The following SLC2A9 variants were observed in gnomAD, a reference collection of about 807,000 sequenced individuals.
SLC2A9 encodes the protein solute carrier family 2 member 9.
SLC2A9 carries 39 observed loss-of-function variants against 50.6 expected under a neutral mutation model. The ratio of observed to expected loss-of-function variants is 0.77; its 90% confidence interval spans 0.60 to 1.01. The LOEUF is 1.01. Ranked by LOEUF, SLC2A9 falls within the 50% of genes least tolerant of loss-of-function variation. The pLI, the probability that SLC2A9 is intolerant of heterozygous loss-of-function variation, is 0.00. For missense variants in SLC2A9, 686 were observed against 677.6 expected, an observed-to-expected ratio of 1.01 and a Z score of -0.14; for synonymous variants, 324 against 276.9, an observed-to-expected ratio of 1.17 and a Z score of -1.69.
At position 10,014,840 on chromosome 4, in the gene SLC2A9, G is replaced by GT. The variant is rs374217904; in HGVS notation, c.249+4134_249+4135insA. Reference sequence around the variant, plus strand: ...AGGGAAGGGCACTGAAGGATTGCCTGAACAGCTACCCCTCTCTTCTCACAA... The same window carrying GT: ...AGGGAAGGGCACTGAAGGATTGCCTGTAACAGCTACCCCTCTCTTCTCACAA... On this transcript the variant is annotated intron_variant, in intron 2 of 11. Transcript: ENST00000264784. Among the ~76,000 whole-genome samples, 798 of 152,304 alleles carry GT rather than the reference G, an allele frequency of 5.2e-3. 7 individuals carry two copies. Among genetic ancestry groups the GT allele is most frequent in the Middle Eastern group, 0.02 (6 of 294 alleles).
intron 6 of SLC2A9, among the ~76,000 whole-genome samples, chr4:9,940,557 A>G (rs1747935167): frequency 6.6e-6 from 1 of 152,252 alleles, no homozygotes; most frequent in South Asian, 2.1e-4. Flanking sequence ...AAACACTATC[A>G]TTTCCATCAT....
At chr4:10,033,397 T>TC (rs1021436252) in intron 1 of SLC2A9, among the ~76,000 whole-genome samples, 2 of 151,880 alleles carry the variant, frequency 1.3e-5, no homozygotes, top group African/African-American at 4.8e-5. Context: ...AACACCCTCT[T>TC]CCCCCCGGCT....
intron 6 of SLC2A9, among the ~76,000 whole-genome samples, chr4:9,923,325 G>A (rs1260745342): frequency 6.6e-6 from 1 of 152,192 alleles, no homozygotes. Context: ...GTGAGTTTAG[G>A]TGCACAGGTG....
At chr4:9,971,555 C>G (rs186318203) in intron 5 of SLC2A9, among the ~76,000 whole-genome samples, 1 of 152,186 alleles carries the variant, frequency 6.6e-6, no homozygotes, top group African/African-American at 2.4e-5. Context: ...TAGACACTAA[C>G]TCCAATTACA....
In SLC2A9 at chr4:10,021,284, C is replaced by A. The variant is rs1456319561; in HGVS notation, c.146G>T (p.Arg49Ile). ...AGAAAAGCTGTCCGTAGTTACCTTT[C>A]TTCTCCTTCCACCTGGCACCCCACT... ...LRSGVPGGRR[R>I]KDWSCSLLVA... Residue 49 changes from arginine (R) to isoleucine (I), a missense_variant, in exon 1 of 12, where the codon AGA (arginine) becomes ATA (isoleucine). By Grantham distance (97) the Arg-to-Ile change is moderately conservative. Transcript: ENST00000264784. 5.0e-6 allele frequency: 8 copies of A among 1,613,502 alleles called. No homozygotes were observed. The highest frequency in any genetic ancestry group is 5.9e-6 in the Non-Finnish European group (7 of 1,180,060).
intron 1 of SLC2A9, among the ~76,000 whole-genome samples, chr4:10,027,528 C>A (rs1402074969): frequency 1.3e-5 from 2 of 151,946 alleles, no homozygotes; most frequent in Admixed American, 1.3e-4. Flanking sequence ...TTGCCAGAAC[C>A]AACAGTCAAT....
intron 10 of SLC2A9, among the ~76,000 whole-genome samples, chr4:9,869,568 G>T (rs1428106611): frequency 6.6e-6 from 1 of 152,056 alleles, no homozygotes; most frequent in African/African-American, 2.4e-5. Context: ...TCCTGCTCTG[G>T]GACTCTTATC....
At chr4:9,828,993 G>A (rs1287702351) in intron 11 of SLC2A9, among the ~76,000 whole-genome samples, 2 of 152,050 alleles carry the variant, frequency 1.3e-5, no homozygotes, top group Non-Finnish European at 2.9e-5. Flanking sequence ...CCACAAACAG[G>A]GCTTCCTAGG....
intron 6 of SLC2A9, among the ~76,000 whole-genome samples, chr4:9,938,324 T>G (rs1241366801): frequency 6.9e-6 from 1 of 145,180 alleles, no homozygotes; most frequent in African/African-American, 2.6e-5. Flanking sequence ...CAGGCTGGAG[T>G]GCAGTGGTGT....
chr4:10,023,803 G>A (rs565487191), upstream of SLC2A9, among the ~76,000 whole-genome samples: 1 of 152,254 alleles, frequency 6.6e-6, no homozygotes, highest in South Asian at 2.1e-4. Context: ...CTACATTTCG[G>A]GGCAACTGAA....
chr4:9,916,247 C>T (rs1742824885), intron 7 of SLC2A9, among the ~76,000 whole-genome samples: 1 of 152,182 alleles, frequency 6.6e-6, no homozygotes, highest in African/African-American at 2.4e-5. Flanking sequence ...GAGGAACACA[C>T]CAGGAACCCT....
chr4:10,008,513 C>T (rs886263931), intron 2 of SLC2A9, among the ~76,000 whole-genome samples: 3 of 152,228 alleles, frequency 2.0e-5, no homozygotes, highest in Non-Finnish European at 4.4e-5. Flanking sequence ...GATAGGACAT[C>T]ACAGGAGGCA....
intron 3 of SLC2A9, among the ~76,000 whole-genome samples, chr4:9,787,940 T>C (rs1264387873): frequency 6.6e-6 from 1 of 152,218 alleles, no homozygotes; most frequent in East Asian, 1.9e-4. Flanking sequence ...CTCTTTATAA[T>C]TAATATGTAT....
intron 6 of SLC2A9, among the ~76,000 whole-genome samples, chr4:9,934,087 C>T (rs1342533562): frequency 2.0e-5 from 3 of 152,292 alleles, no homozygotes; most frequent in African/African-American, 4.8e-5. Context: ...TGTAACCTAA[C>T]ATATTCACAG....
intron 7 of SLC2A9, among the ~76,000 whole-genome samples, chr4:9,915,425 C>T (rs1186558730): frequency 1.3e-5 from 2 of 152,170 alleles, no homozygotes; most frequent in African/African-American, 2.4e-5. Context: ...TTAGTAGAGA[C>T]TTGTTTCTCC....
At chr4:9,933,572 A>T (rs1327380977) in intron 6 of SLC2A9, among the ~76,000 whole-genome samples, 1 of 152,202 alleles carries the variant, frequency 6.6e-6, no homozygotes, top group African/African-American at 2.4e-5. Flanking sequence ...TAGTCTTCTC[A>T]TCTATAAAGC....
At chr4:9,845,185 T>A (rs1416215981) in intron 10 of SLC2A9, among the ~76,000 whole-genome samples, 1 of 151,788 alleles carries the variant, frequency 6.6e-6, no homozygotes, top group Non-Finnish European at 1.5e-5. Flanking sequence ...GGATAATTTT[T>A]TGTATTTTTA....
chr4:9,804,634 C>T (rs770123962), intron 3 of SLC2A9, among the ~76,000 whole-genome samples: 38 of 152,166 alleles, frequency 2.5e-4, no homozygotes, highest in Non-Finnish European at 4.1e-4. Context: ...TATATCCTGT[C>T]TTTGGCCAAA....
intron 10 of SLC2A9, among the ~76,000 whole-genome samples, chr4:9,842,759 C>G (rs112017817): frequency 7.9e-5 from 12 of 152,216 alleles, no homozygotes; most frequent in East Asian, 5.8e-4. Context: ...AAAATTAGCC[C>G]CAAATAATTA....
Sources: gnomAD v4.1 joint callset for allele counts (sites outside exome capture counted in the v4.1 genomes callset) on GRCh38, gnomAD v4.1.1 for gene constraint, MANE v1.5 for transcripts, NCBI Gene and HGNC (gene_info 2026-07-23, HGNC 2026-07-21) for gene names.